SLC24A2: variants seen among roughly 807,000 people sequenced by gnomAD.
SLC24A2 encodes the protein sodium/potassium/calcium exchanger 2.
SLC24A2 carries 36 observed loss-of-function variants against 62.0 expected under a neutral mutation model. The observed-to-expected ratio is 0.58, with a 90% confidence interval of 0.44 to 0.77. The LOEUF is 0.77. SLC24A2 is among the 30% of genes least tolerant of loss of function. The pLI is 0.00. For missense variants in SLC24A2, 846 were observed against 817.9 expected (o/e 1.03, Z -0.42); for synonymous variants, 358 against 294.0 (o/e 1.22, Z -2.23).
the SLC24A2 span, among the ~76,000 whole-genome samples, chr9:20,013,812 T>C: frequency 2.6e-5 from 4 of 151,956 alleles, no homozygotes; most frequent in Non-Finnish European, 5.9e-5. Context: ...AAATGGCCAA[T>C]AGGTAGATGA....
At chr9:19,761,873 G>A (rs1413891646) in intron 2 of SLC24A2, among the ~76,000 whole-genome samples, 1 of 152,088 alleles carries the variant, frequency 6.6e-6, no homozygotes, top group African/African-American at 2.4e-5. Context: ...TCTTAATCCA[G>A]TCTATCGTTG....
chr9:19,856,070 A>G, the SLC24A2 span, among the ~76,000 whole-genome samples: 2 of 151,964 alleles, frequency 1.3e-5, no homozygotes, highest in East Asian at 1.9e-4. Context: ...TGTTTGGTCT[A>G]TGTGGCTATC....
chr9:19,582,386 TGATCA>T (rs1836234924), intron 5 of SLC24A2, among the ~76,000 whole-genome samples: 1 of 152,144 alleles, frequency 6.6e-6, no homozygotes, highest in African/African-American at 2.4e-5. Context: ...ACTGGGGTGG[TGATCA>T]GATTAACTTC....
chr9:20,171,995 T>A, the SLC24A2 span, among the ~76,000 whole-genome samples: 2 of 151,676 alleles, frequency 1.3e-5, no homozygotes, highest in Non-Finnish European at 2.9e-5. Context: ...TTTAAGAAAA[T>A]TGAAATTATA....
chr9:19,845,979 C>G, the SLC24A2 span, among the ~76,000 whole-genome samples: 2 of 147,706 alleles, frequency 1.4e-5, no homozygotes, highest in Admixed American at 1.3e-4. Context: ...ATTTTTTTTT[C>G]TGAGTTTATT....
the SLC24A2 span, among the ~76,000 whole-genome samples, chr9:19,843,903 A>AT: frequency 6.6e-6 from 1 of 152,044 alleles, no homozygotes; most frequent in Non-Finnish European, 1.5e-5. Flanking sequence ...TATGTATGAC[A>AT]TTTTCTTTGT....
the SLC24A2 span, among the ~76,000 whole-genome samples, chr9:20,165,761 C>A: frequency 6.6e-6 from 1 of 151,748 alleles, no homozygotes; most frequent in Non-Finnish European, 1.5e-5. Flanking sequence ...ACTCAAAATC[C>A]ACGTGTGACA....
At chr9:20,046,275 A>G in the SLC24A2 span, among the ~76,000 whole-genome samples, 1 of 152,198 alleles carries the variant, frequency 6.6e-6, no homozygotes, top group Non-Finnish European at 1.5e-5. Flanking sequence ...CATACTGTCT[A>G]ATTGCTTCTG....
chr9:20,182,179 G>A, the SLC24A2 span, among the ~76,000 whole-genome samples: 1 of 152,196 alleles, frequency 6.6e-6, no homozygotes, highest in Non-Finnish European at 1.5e-5. Flanking sequence ...CACTGTTGGT[G>A]GGAATGTAAA....
At chr9:20,172,622 AG>A in the SLC24A2 span, among the ~76,000 whole-genome samples, 3 of 152,078 alleles carry the variant, frequency 2.0e-5, no homozygotes, top group Non-Finnish European at 4.4e-5. Context: ...ATTTCTGGAA[AG>A]ATACAACTCT....
the SLC24A2 span, among the ~76,000 whole-genome samples, chr9:20,277,780 T>C: frequency 6.6e-6 from 1 of 152,188 alleles, no homozygotes; most frequent in Non-Finnish European, 1.5e-5. Context: ...TGAAGACACA[T>C]GCACACATAT....
chr9:19,680,856 T>TGA lies in SLC24A2; in HGVS notation c.931-58558_931-58557insTC, dbSNP rs932553330. ...ACTCAAAATATATACCAGAGTTGTG[T>TGA]GTGTGTGTGTGTGTGTGTGTGTGTG... is the stretch of plus-strand genomic sequence containing the variant. On this transcript the variant is annotated intron_variant, in intron 2 of 10. Transcript: ENST00000341998. 1.7e-4 allele frequency among the ~76,000 whole-genome samples: 16 copies of TGA among 91,688 alleles called. No homozygotes were observed. In the East Asian group the frequency reaches 2.6e-3, roughly 15 times the overall value. The allele number at this position is 91,688 out of a possible 152,430, so 60.2% of individuals were successfully genotyped here. A position where few individuals can be genotyped will look rare whatever the true frequency, so the allele number is the denominator to read the frequency against.
the SLC24A2 span, among the ~76,000 whole-genome samples, chr9:20,027,097 C>A: frequency 6.6e-6 from 1 of 151,982 alleles, no homozygotes; most frequent in Non-Finnish European, 1.5e-5. Context: ...CAGAGAAATG[C>A]AAATCAGAAC....
At chr9:19,982,542 A>T in the SLC24A2 span, among the ~76,000 whole-genome samples, 1 of 152,222 alleles carries the variant, frequency 6.6e-6, no homozygotes, top group African/African-American at 2.4e-5. Flanking sequence ...GCGATGAGTC[A>T]GGAAAGAAGA....
intron 2 of SLC24A2, among the ~76,000 whole-genome samples, chr9:19,772,261 G>C (rs910071881): frequency 1.3e-5 from 2 of 152,146 alleles, no homozygotes; most frequent in African/African-American, 2.4e-5. Flanking sequence ...CCAATTCTTA[G>C]CTTCAGGGGA....
the SLC24A2 span, among the ~76,000 whole-genome samples, chr9:20,277,354 T>C: frequency 6.6e-6 from 1 of 151,490 alleles, no homozygotes; most frequent in Non-Finnish European, 1.5e-5. Context: ...AGGGCTAATA[T>C]CCAGAATCTA....
chr9:19,978,525 G>A, the SLC24A2 span, among the ~76,000 whole-genome samples: 1 of 151,988 alleles, frequency 6.6e-6, no homozygotes, highest in African/African-American at 2.4e-5. Flanking sequence ...AACAGGTAAA[G>A]GAATGGTGTT....
At chr9:19,635,396 C>G (rs1818286953) in intron 2 of SLC24A2, among the ~76,000 whole-genome samples, 1 of 152,080 alleles carries the variant, frequency 6.6e-6, no homozygotes, top group Non-Finnish European at 1.5e-5. Context: ...GTAGCAGGTC[C>G]CATAGTACAA....
chr9:20,061,908 A>G, the SLC24A2 span, among the ~76,000 whole-genome samples: 1 of 152,148 alleles, frequency 6.6e-6, no homozygotes, highest in Non-Finnish European at 1.5e-5. Context: ...CACGGAGTGG[A>G]TGAAAATATT....
Sources: gnomAD v4.1 joint callset for allele counts (sites outside exome capture counted in the v4.1 genomes callset) on GRCh38, gnomAD v4.1.1 for gene constraint, MANE v1.5 for transcripts, NCBI Gene and HGNC (gene_info 2026-07-23, HGNC 2026-07-21) for gene names.